CHD7: variants seen among roughly 807,000 people sequenced by gnomAD.
CHD7 encodes the protein ATP-dependent chromatin remodeler CHD7.
Under a neutral mutation model 307.3 loss-of-function variants are expected in CHD7, and 24 were observed. That is an observed-to-expected ratio of 0.08 (90% CI 0.06 to 0.11). The LOEUF (loss-of-function observed/expected upper bound fraction) is 0.11, where lower values mean the gene tolerates loss of function less well. Among genes scored for constraint, CHD7 ranks in the 10% least tolerant of loss-of-function variants. The pLI is 1.00. For missense variants in CHD7, 3,106 were observed against 3,727.1 expected, an observed-to-expected ratio of 0.83 and a Z score of 4.34; for synonymous variants, 1,363 against 1,349.9, an observed-to-expected ratio of 1.01 and a Z score of -0.21.
chr8:60,857,441 T>G (rs921395122), intron 34 of CHD7, among the ~76,000 whole-genome samples: 5 of 152,250 alleles, frequency 3.3e-5, no homozygotes, highest in African/African-American at 1.2e-4. Flanking sequence ...TAATGCAGTA[T>G]AATCAAAATG....
chr8:60,704,618 A>G (rs1354974774), intron 1 of CHD7, among the ~76,000 whole-genome samples: 1 of 151,076 alleles, frequency 6.6e-6, no homozygotes, highest in Non-Finnish European at 1.5e-5. Flanking sequence ...GGTGGTAGTG[A>G]TTTGATCTAG....
chr8:60,867,773 A>C lies in CHD7; in HGVS notation c.*1840A>C, dbSNP rs1458105851. On this transcript the variant is annotated 3_prime_UTR_variant, in exon 38 of 38. Transcript: ENST00000423902. ...CCCTTAATGATTCTGGGAAAGAAAC[A>C]ACCTGAACCCTCCACCTTACAGATC... The C allele has an allele frequency of 6.6e-6, 1 of 152,196 alleles. No homozygotes were observed. Among genetic ancestry groups the C allele is most frequent in the African/African-American group, 2.4e-5 (1 of 41,454 alleles). The allele number at this position is 152,196 out of a possible 1,614,324, so 9.4% of individuals were successfully genotyped here.
chr8:60,795,930 G>C (rs908848634), intron 4 of CHD7, among the ~76,000 whole-genome samples: 3 of 152,198 alleles, frequency 2.0e-5, no homozygotes, highest in African/African-American at 7.2e-5. Context: ...TTGTCCTGGA[G>C]TAGGAAGCCA....
At chr8:60,711,241 C>T (rs1386674655) in intron 1 of CHD7, among the ~76,000 whole-genome samples, 1 of 152,108 alleles carries the variant, frequency 6.6e-6, no homozygotes, top group Non-Finnish European at 1.5e-5. Context: ...TAATTATAGT[C>T]CCACATCACA....
chr8:60,704,600 A>C (rs1211059079), intron 1 of CHD7, among the ~76,000 whole-genome samples: 1 of 151,212 alleles, frequency 6.6e-6, no homozygotes, highest in African/African-American at 2.4e-5. Context: ...TGCATAGTCC[A>C]GGTGAGAGGT....
Position 60,855,729 on chromosome 8 carries a change from C to T in CHD7, c.6937-246C>T, listed in dbSNP as rs145978576. On this transcript the variant is annotated intron_variant, in intron 32 of 37. Transcript: ENST00000423902. The stretch of plus-strand genomic sequence containing the variant: ...TTTCTGTTTTATGTAGTTCAGTGTT[C>T]GTAATTAAAAATAGCATGTTTTCTG... Among the ~76,000 whole-genome samples, 572 of 152,252 alleles carry T rather than the reference C, an allele frequency of 3.8e-3. 1 individual carries two copies. Among genetic ancestry groups the T allele is most frequent in the African/African-American group, 0.013 (542 of 41,550 alleles).
At chr8:60,859,872 G>A (rs1451472830) in intron 34 of CHD7, among the ~76,000 whole-genome samples, 1 of 152,198 alleles carries the variant, frequency 6.6e-6, no homozygotes, top group Non-Finnish European at 1.5e-5. Flanking sequence ...AAAAATAGGA[G>A]AGTGATGTGA....
At chr8:60,682,387 A>C (rs1418909387) in intron 1 of CHD7, among the ~76,000 whole-genome samples, 3 of 152,260 alleles carry the variant, frequency 2.0e-5, no homozygotes, top group Non-Finnish European at 4.4e-5. Flanking sequence ...AATATGTTAT[A>C]GTTTTTAAGC....
intron 16 of CHD7, 55 bp from the exon 17 acceptor site, chr8:60,836,762 G>T: frequency 7.9e-7 from 1 of 1,258,840 alleles, no homozygotes; most frequent in Non-Finnish European, 1.1e-6. Flanking sequence ...AAAAAAAGGA[G>T]CAAGTATGTT....
At chr8:60,729,099 T>C (rs1231969741) in intron 1 of CHD7, among the ~76,000 whole-genome samples, 1 of 152,220 alleles carries the variant, frequency 6.6e-6, no homozygotes, top group Non-Finnish European at 1.5e-5. Flanking sequence ...ATAAAAGTTA[T>C]TTGGATATGG....
At chr8:60,714,803 C>T (rs1194819012) in intron 1 of CHD7, among the ~76,000 whole-genome samples, 2 of 152,216 alleles carry the variant, frequency 1.3e-5, no homozygotes, top group Non-Finnish European at 2.9e-5. Flanking sequence ...CCTTCGTAGC[C>T]CACAGCCCAC....
Position 60,800,423 on chromosome 8 carries a change from C to G in CHD7, c.2274C>G (p.Arg758=). The G allele has an allele frequency of 6.2e-7, 1 of 1,613,734 alleles. No individual in the cohort carries two copies. The highest frequency in any genetic ancestry group is 1.1e-5 in the South Asian group (1 of 91,038). Residue 758 remains arginine (R), a synonymous_variant, in exon 5 of 38, where the codon CGC becomes CGG. Transcript: ENST00000423902. ...CCAGCAGACAGGTGAAGAGAAAGCG[C>G]TACACTGAAGACCTGGAGTTCAAGA... ...RRSSRQVKRK[R]YTEDLEFKIS...
At position 60,838,099 on chromosome 8, in the gene CHD7, A is replaced by G. The variant is rs1278636503; in HGVS notation, c.4377A>G (p.Glu1459=). ...TNGVQQLSKK[E]IEDLLRKGAY... is the part of the protein sequence containing the mutation. ...AGGTACAACAGCTTTCCAAGAAAGA[A>G]ATAGAGGATCTTCTACGAAAAGGGG... Residue 1459 remains glutamate (E), a synonymous_variant, in exon 19 of 38, where the codon GAA becomes GAG. Coordinates refer to ENST00000423902, the MANE Select transcript of CHD7 (RefSeq NM_017780.4). The G allele has an allele frequency of 1.2e-5, 18 of 1,521,516 alleles. No homozygotes were observed. Among genetic ancestry groups the G allele is most frequent in the Non-Finnish European group, 1.4e-5 (16 of 1,134,910 alleles). 94.3% of individuals were successfully genotyped at this position (1,521,516 alleles called of 1,614,324 possible).
chr8:60,689,863 A>T (rs988103484), intron 1 of CHD7, among the ~76,000 whole-genome samples: 5 of 152,228 alleles, frequency 3.3e-5, no homozygotes, highest in African/African-American at 1.2e-4. Flanking sequence ...TTATTACAGA[A>T]TTGACTTCCT....
intron 7 of CHD7, among the ~76,000 whole-genome samples, chr8:60,810,442 A>T (rs921840886): frequency 6.6e-6 from 1 of 151,624 alleles, no homozygotes; most frequent in South Asian, 2.1e-4. Context: ...TCTGTTTATT[A>T]TATACACACA....
At chr8:60,831,059 ATTAAC>A (rs1370126512) in intron 15 of CHD7, among the ~76,000 whole-genome samples, 2 of 152,224 alleles carry the variant, frequency 1.3e-5, no homozygotes, top group Non-Finnish European at 2.9e-5. Flanking sequence ...GAACAAAAAA[ATTAAC>A]TTAAAGCTTT....
chr8:60,763,064 C>T (rs943423555), intron 2 of CHD7, among the ~76,000 whole-genome samples: 56 of 152,078 alleles, frequency 3.7e-4, no homozygotes, highest in African/African-American at 1.4e-3. Context: ...GGGAGTCATG[C>T]TGGGCAGGTC....
chr8:60,848,861 C>T (rs1805325385), intron 24 of CHD7, among the ~76,000 whole-genome samples, 190 bp from the exon 25 acceptor site: 1 of 152,092 alleles, frequency 6.6e-6, no homozygotes. Flanking sequence ...AATGGGATAC[C>T]ATGTGATAAA....
intron 1 of CHD7, among the ~76,000 whole-genome samples, chr8:60,733,775 C>G (rs1204788715): frequency 6.9e-6 from 1 of 145,414 alleles, no homozygotes; most frequent in Non-Finnish European, 1.5e-5. Flanking sequence ...AACAAAAGAA[C>G]AGCTTTTTTT....
Sources: gnomAD v4.1 joint callset for allele counts (sites outside exome capture counted in the v4.1 genomes callset) on GRCh38, gnomAD v4.1.1 for gene constraint, MANE v1.5 for transcripts, NCBI Gene and HGNC (gene_info 2026-07-23, HGNC 2026-07-21) for gene names.